CYP4X1: variants seen among roughly 807,000 people sequenced by gnomAD.
CYP4X1 encodes cytochrome P450 family 4 subfamily X member 1.
A neutral mutation model predicts 57.9 loss-of-function variants in CYP4X1; 44 were observed. That is an observed-to-expected ratio of 0.76 (90% CI 0.60 to 0.98). The LOEUF is 0.98. Among genes scored for constraint, CYP4X1 ranks in the 50% least tolerant of loss-of-function variants. CYP4X1 has a pLI of 0.00. For missense variants in CYP4X1, 532 were observed against 623.9 expected, an observed-to-expected ratio of 0.85 and a Z score of 1.57; for synonymous variants, 227 against 228.6, an observed-to-expected ratio of 0.99 and a Z score of 0.06.
downstream of CYP4X1, among the ~76,000 whole-genome samples, chr1:47,052,512 C>T (rs1282648729): frequency 6.6e-6 from 1 of 152,090 alleles, no homozygotes; most frequent in African/African-American, 2.4e-5. Flanking sequence ...AGCATATATT[C>T]CCTTTGAAAG....
At chr1:47,000,387 G>A in the CYP4X1 span, among the ~76,000 whole-genome samples, 9 of 152,080 alleles carry the variant, frequency 5.9e-5, no homozygotes, top group East Asian at 3.9e-4. Flanking sequence ...AAATACAAGC[G>A]GCCAGTAATG....
chr1:47,042,824 T>C (rs1644261062), intron 8 of CYP4X1, among the ~76,000 whole-genome samples: 1 of 152,192 alleles, frequency 6.6e-6, no homozygotes, highest in Admixed American at 6.5e-5. Flanking sequence ...TTCCATAGTA[T>C]ATACATCCCA....
chr1:46,967,891 T>C, the CYP4X1 span: 1 of 769,138 alleles, frequency 1.3e-6, no homozygotes, highest in Non-Finnish European at 1.9e-6. Context: ...AGACAGTGAA[T>C]TGATAAGAGG....
rs760124136 is a variant in CYP4X1, at chr1:47,023,895, G to A, written c.78G>A (p.Leu26=). The A allele has an allele frequency of 2.5e-6, 4 of 1,613,596 alleles. No homozygotes were observed. In the South Asian group the frequency reaches 3.3e-5, roughly 13 times the overall value. ...TCGTGTTCTGCCTGGCCCTGGGGCT[G>A]CTGCAGGCCATTAAGCTGTACCTGC... The part of the protein sequence containing the change: ...LAFVFCLALG[L]LQAIKLYLRR... The change falls in exon 1 of 12, where the codon CTG becomes CTA. Residue 26 remains leucine, a synonymous_variant. Transcript: ENST00000371901.
Position 47,046,455 on chromosome 1 carries a change from T to TC in CYP4X1, c.1074-11dup, listed in dbSNP as rs1368027641. On this transcript the variant is annotated splice_polypyrimidine_tract_variant and intron_variant, in intron 8 of 11. Coordinates refer to ENST00000371901, the MANE Select transcript of CYP4X1 (RefSeq NM_178033.2). ...ATGATATCTGAGTCCCTTCCCTCCCTCATCCTCACAGGGACCAGCTGGGTG... is the reference window on the plus strand; with the variant it reads ...ATGATATCTGAGTCCCTTCCCTCCCTCCATCCTCACAGGGACCAGCTGGGTG... 3.7e-6 allele frequency: 6 copies of TC among 1,613,768 alleles called. No homozygotes were observed. The highest frequency in any genetic ancestry group is 5.1e-6 in the Non-Finnish European group (6 of 1,179,888).
At chr1:46,999,646 T>G in the CYP4X1 span, among the ~76,000 whole-genome samples, 17 of 152,290 alleles carry the variant, frequency 1.1e-4, no homozygotes, top group Non-Finnish European at 1.8e-4. Context: ...TCCTTAGGTG[T>G]GGCATTAGGT....
At chr1:47,031,658 A>G (rs533502409) in intron 3 of CYP4X1, among the ~76,000 whole-genome samples, 178 bp downstream of exon 3, 1 of 152,194 alleles carries the variant, frequency 6.6e-6, no homozygotes, top group East Asian at 1.9e-4. Context: ...ACACACCACC[A>G]CTTCCCAGAA....
chr1:47,047,189 G>A (rs1357729001), intron 9 of CYP4X1, among the ~76,000 whole-genome samples: 1 of 152,152 alleles, frequency 6.6e-6, no homozygotes. Context: ...ATTAACTGAT[G>A]TGAGCAGAGC....
chr1:46,978,164 A>C, the CYP4X1 span, among the ~76,000 whole-genome samples: 10 of 152,184 alleles, frequency 6.6e-5, no homozygotes, highest in African/African-American at 2.4e-5. Context: ...TGCTCCAATT[A>C]AAAGACACAG....
the CYP4X1 span, chr1:46,967,608 G>C: frequency 3.0e-6 from 1 of 334,306 alleles, no homozygotes. Context: ...ATAGAAAGCA[G>C]GATGTGGGCA....
In CYP4X1 at chr1:47,029,971, T is replaced by G; in HGVS notation, c.178-19T>G. 1 of 1,612,844 alleles carries G rather than the reference T, an allele frequency of 6.2e-7. No homozygotes were observed. On this transcript the variant is annotated intron_variant, in intron 1 of 11. Coordinates refer to ENST00000371901, the MANE Select transcript of CYP4X1 (RefSeq NM_178033.2). ...GGTCCAGCTTGGCTGGCTAATTACT[T>G]TTACTTTTTTCACTGCAGTTTATTC...
the CYP4X1 span, among the ~76,000 whole-genome samples, chr1:46,980,049 C>G: frequency 5.5e-3 from 837 of 152,266 alleles, 11 homozygotes; most frequent in African/African-American, 0.019. Context: ...TGGAAGCATT[C>G]CCTTTGAAAA....
chr1:47,024,450 A>G (rs893984182), intron 1 of CYP4X1, among the ~76,000 whole-genome samples: 1 of 152,222 alleles, frequency 6.6e-6, no homozygotes, highest in Non-Finnish European at 1.5e-5. Flanking sequence ...ATTCTTGTGA[A>G]GTAAGGAGCA....
chr1:46,978,483 C>A, the CYP4X1 span, among the ~76,000 whole-genome samples: 1 of 152,014 alleles, frequency 6.6e-6, no homozygotes, highest in South Asian at 2.1e-4. Context: ...TAAAGCAAGT[C>A]CTTAGAGACC....
the CYP4X1 span, among the ~76,000 whole-genome samples, chr1:47,012,487 A>C: frequency 6.6e-6 from 1 of 152,202 alleles, no homozygotes; most frequent in Non-Finnish European, 1.5e-5. Flanking sequence ...CAGCACACCA[A>C]CATGGCACAT....
At chr1:47,054,654 C>T (rs1644381835), downstream of CYP4X1, among the ~76,000 whole-genome samples, 1 of 152,104 alleles carries the variant, frequency 6.6e-6, no homozygotes, top group Non-Finnish European at 1.5e-5. Flanking sequence ...AAGTTGGATT[C>T]CTAGGTATTT....
In CYP4X1 at chr1:47,047,315, A is replaced by G. The variant is rs142050175; in HGVS notation, c.1207+715A>G. On this transcript the variant is annotated intron_variant, in intron 9 of 11. Transcript: ENST00000371901. Reference sequence around the variant, plus strand: ...CATGTGAGACATATTATCTGATTCAATGTTCTATTAATTCATGTCTTAGGA... The same window carrying G: ...CATGTGAGACATATTATCTGATTCAGTGTTCTATTAATTCATGTCTTAGGA... Among the ~76,000 whole-genome samples the G allele has an allele frequency of 7.8e-3, 1,187 of 152,316 alleles. 8 individuals are homozygous for G. The highest frequency in any genetic ancestry group is 0.044 in the Middle Eastern group (13 of 294).
chr1:47,033,378 G>A lies in CYP4X1; in HGVS notation c.492+10G>A. The A allele has an allele frequency of 6.2e-7, 1 of 1,613,556 alleles. No homozygotes were observed. Among genetic ancestry groups the A allele is most frequent in the Non-Finnish European group, 8.5e-7 (1 of 1,179,644 alleles). On this transcript the variant is annotated intron_variant, in intron 4 of 11. Transcript: ENST00000371901. ...TGTGAAAATGATGCTGGTAAGTAAA[G>A]GGGGAAAGTGCTCTGTGCATTGCGA...
At chr1:46,980,829 A>G in the CYP4X1 span, among the ~76,000 whole-genome samples, 1 of 152,184 alleles carries the variant, frequency 6.6e-6, no homozygotes, top group Non-Finnish European at 1.5e-5. Flanking sequence ...AACACCACAC[A>G]TCTACACCAT....
Sources: gnomAD v4.1 joint callset for allele counts (sites outside exome capture counted in the v4.1 genomes callset) on GRCh38, gnomAD v4.1.1 for gene constraint, MANE v1.5 for transcripts, NCBI Gene and HGNC (gene_info 2026-07-23, HGNC 2026-07-21) for gene names.